IMMP2L: variants seen among roughly 807,000 people sequenced by gnomAD.
IMMP2L encodes mitochondrial inner membrane protease subunit 2.
IMMP2L carries 18 observed loss-of-function variants against 19.3 expected under a neutral mutation model. The ratio of observed to expected loss-of-function variants is 0.93; its 90% CI spans 0.64 to 1.38. IMMP2L has a LOEUF of 1.38. Among genes scored for constraint, IMMP2L ranks in the 40% most tolerant of loss-of-function variants. The pLI, the probability that IMMP2L is intolerant of heterozygous loss-of-function variation, is 0.00. For synonymous variants in IMMP2L, 76 were observed against 73.0 expected (o/e 1.04, Z -0.21); for missense variants, 233 against 218.2 (o/e 1.07, Z -0.43).
At chr7:111,475,885 T>C (rs1448598600) in intron 3 of IMMP2L, among the ~76,000 whole-genome samples, 2 of 152,116 alleles carry the variant, frequency 1.3e-5, no homozygotes, top group Non-Finnish European at 2.9e-5. Flanking sequence ...GACCTGGTGT[T>C]CCAAGTCTCC....
intron 5 of IMMP2L, among the ~76,000 whole-genome samples, chr7:110,681,902 A>G (rs1175866448): frequency 4.0e-5 from 6 of 151,664 alleles, no homozygotes; most frequent in Admixed American, 2.0e-4. Context: ...CAATCTGAAG[A>G]AAAAAAAATG....
intron 3 of IMMP2L, among the ~76,000 whole-genome samples, chr7:111,256,313 A>C (rs544881360): frequency 6.6e-6 from 1 of 152,238 alleles, no homozygotes; most frequent in African/African-American, 2.4e-5. Flanking sequence ...CAAGTTCTAG[A>C]TCTGCAAATG....
intron 3 of IMMP2L, among the ~76,000 whole-genome samples, chr7:111,209,262 T>C (rs1811048835): frequency 6.6e-6 from 1 of 151,942 alleles, no homozygotes; most frequent in African/African-American, 2.4e-5. Context: ...CCACGCATGG[T>C]GGCACGCACC....
In IMMP2L at chr7:111,043,985, T is replaced by A. The variant is rs572986816; in HGVS notation, c.240-80420A>T. On this transcript the variant is annotated intron_variant, in intron 3 of 5. Transcript: ENST00000405709. ...AAAGATACTGACCCTTTAATAAAAA[T>A]AATAAAAACACTGAGGCATTCACCA... Among the ~76,000 whole-genome samples the A allele has an allele frequency of 4.6e-5, 7 of 152,270 alleles. No individual in the cohort carries two copies. The South Asian group carries it at 1.5e-3, about 32-fold the overall frequency.
intron 3 of IMMP2L, among the ~76,000 whole-genome samples, chr7:111,300,205 G>A (rs962860849): frequency 9.2e-5 from 14 of 152,106 alleles, no homozygotes; most frequent in African/African-American, 2.7e-4. Flanking sequence ...GTACTTTTAA[G>A]TGCAGAGATT....
intron 4 of IMMP2L, among the ~76,000 whole-genome samples, chr7:110,933,224 GC>G (rs2129551973): frequency 6.6e-6 from 1 of 152,290 alleles, no homozygotes; most frequent in African/African-American, 2.4e-5. Context: ...ATAACCAGAT[GC>G]CCAAATACTG....
rs1011235643 is a variant in IMMP2L at position 110,728,813 on chromosome 7, A to G, written c.409-65092T>C. Among the ~76,000 whole-genome samples, 1 of 152,202 alleles carries G rather than the reference A, an allele frequency of 6.6e-6. No individual in the cohort carries two copies. The highest frequency in any genetic ancestry group is 2.4e-5 in the African/African-American group (1 of 41,456). Reference sequence around the variant, plus strand: ...TGAGGTGGCTACAATCATTACCCCCATTAAATGATGAAAAACTAGGACTTA... The same window carrying G: ...TGAGGTGGCTACAATCATTACCCCCGTTAAATGATGAAAAACTAGGACTTA... On this transcript the variant is annotated intron_variant, in intron 5 of 5. Coordinates refer to ENST00000405709, the MANE Select transcript of IMMP2L (RefSeq NM_032549.4). The surrounding 1 kb of genome is among the most constrained non-coding windows in gnomAD (Gnocchi z 4.6).
At chr7:110,888,526 G>T (rs1810456676) in intron 4 of IMMP2L, among the ~76,000 whole-genome samples, 1 of 152,136 alleles carries the variant, frequency 6.6e-6, no homozygotes, top group Non-Finnish European at 1.5e-5. Flanking sequence ...AATCATTTCT[G>T]CAGTGACACG....
intron 4 of IMMP2L, among the ~76,000 whole-genome samples, chr7:110,933,972 C>CATTT (rs994377846): frequency 5.9e-5 from 9 of 152,150 alleles, no homozygotes; most frequent in Admixed American, 2.6e-4. Context: ...CTCCTGTGGG[C>CATTT]ATTTAGTGCT....
At chr7:110,909,697 C>T (rs1812833769) in intron 4 of IMMP2L, among the ~76,000 whole-genome samples, 1 of 152,124 alleles carries the variant, frequency 6.6e-6, no homozygotes, top group Non-Finnish European at 1.5e-5. Context: ...TTGAGTTGAG[C>T]ACCTCCCTAT....
chr7:110,669,100 T>TAG lies in IMMP2L; in HGVS notation c.409-5380_409-5379insCT, dbSNP rs1242788552. 1.3e-3 allele frequency among the ~76,000 whole-genome samples: 164 copies of TAG among 127,654 alleles called. 2 individuals carry two copies. The highest frequency in any genetic ancestry group is 6.4e-3 in the African/African-American group (155 of 24,158). The allele number at this position is 127,654 out of a possible 152,430, so 83.7% of individuals were successfully genotyped here. ...GTGTGTGTGTGTGTGTATATGTATA[T>TAG]ATATATATAGAGAGAGAGAGAGAGA... On this transcript the variant is annotated intron_variant, in intron 5 of 5. Coordinates refer to ENST00000405709, the MANE Select transcript of IMMP2L (RefSeq NM_032549.4).
At chr7:111,028,272 C>T (rs1056919587) in intron 3 of IMMP2L, among the ~76,000 whole-genome samples, 4 of 152,006 alleles carry the variant, frequency 2.6e-5, no homozygotes, top group African/African-American at 9.7e-5. Context: ...GTAAGTCTGT[C>T]ATATTTTATG....
chr7:111,384,469 A>T, intron 3 of IMMP2L, among the ~76,000 whole-genome samples: 1 of 152,080 alleles, frequency 6.6e-6, no homozygotes, highest in Non-Finnish European at 1.5e-5. Context: ...TCCAAGTCAC[A>T]ATTCATTCCT....
At chr7:110,952,067 T>C (rs1817884504) in intron 4 of IMMP2L, among the ~76,000 whole-genome samples, 1 of 152,150 alleles carries the variant, frequency 6.6e-6, no homozygotes, top group Non-Finnish European at 1.5e-5. Context: ...AAAAGACAAT[T>C]TGTAAGCTTC....
chr7:111,281,012 G>A (rs564147869), intron 3 of IMMP2L, among the ~76,000 whole-genome samples: 1 of 151,832 alleles, frequency 6.6e-6, no homozygotes, highest in East Asian at 1.9e-4. Context: ...AGAGCTTGCT[G>A]TGAGTGGAGA....
At chr7:111,022,009 A>G (rs1797745378) in intron 3 of IMMP2L, among the ~76,000 whole-genome samples, 1 of 152,212 alleles carries the variant, frequency 6.6e-6, no homozygotes, top group African/African-American at 2.4e-5. Context: ...TATGGGTGCT[A>G]CAATTTAACA....
intron 4 of IMMP2L, among the ~76,000 whole-genome samples, chr7:110,899,670 A>G (rs1269832880): frequency 1.3e-5 from 2 of 152,058 alleles, no homozygotes; most frequent in East Asian, 3.8e-4. Context: ...AGTCAGATCT[A>G]TTTTTCTTTC....
chr7:110,945,211 C>T (rs1164102665), intron 4 of IMMP2L, among the ~76,000 whole-genome samples: 1 of 151,912 alleles, frequency 6.6e-6, no homozygotes, highest in Non-Finnish European at 1.5e-5. Flanking sequence ...TGCAGGGCTC[C>T]TGTTTATGGA....
rs1834098057 is a variant in IMMP2L at position 111,408,572 on chromosome 7, A to G, written c.239+78666T>C. Among the ~76,000 whole-genome samples the G allele has an allele frequency of 3.3e-5, 5 of 151,898 alleles. No individual in the cohort carries two copies. The South Asian group carries it at 1.0e-3, about 31-fold the overall frequency. ...TTTGTTCCTGTAACTGAAATGTACA[A>G]TGGGACAAGATGAGATGACAGTGTG... On this transcript the variant is annotated intron_variant, in intron 3 of 5. Transcript: ENST00000405709.
Sources: allele counts gnomAD v4.1 joint callset (sites outside exome capture counted in the v4.1 genomes callset), GRCh38; gene constraint gnomAD v4.1.1; non-coding constraint Gnocchi (gnomAD v3.1); transcripts MANE v1.5; gene names NCBI Gene and HGNC (gene_info 2026-07-23, HGNC 2026-07-21).